RPH3AL: variants seen among roughly 807,000 people sequenced by gnomAD.
The protein encoded by RPH3AL is rabphilin 3A like (without C2 domains).
Under a neutral mutation model 43.1 loss-of-function variants are expected in RPH3AL, and 38 were observed. The observed-to-expected ratio is 0.88, with a 90% CI of 0.68 to 1.15. The LOEUF is 1.15. Among genes scored for constraint, RPH3AL ranks in the 50% most tolerant of loss-of-function variants. The pLI, the probability that RPH3AL is intolerant of heterozygous loss-of-function variation, is 0.00. For synonymous variants in RPH3AL, 189 were observed against 176.3 expected, an observed-to-expected ratio of 1.07 and a Z score of -0.57; for missense variants, 462 against 423.2, an observed-to-expected ratio of 1.09 and a Z score of -0.81.
chr17:271,719 G>C (rs2042467699), intron 6 of RPH3AL, among the ~76,000 whole-genome samples: 1 of 152,156 alleles, frequency 6.6e-6, no homozygotes, highest in African/African-American at 2.4e-5. Flanking sequence ...TGCAAATAGG[G>C]ACAATTTGAC....
chr17:256,277 A>G (rs372880559), intron 6 of RPH3AL, among the ~76,000 whole-genome samples: 1,142 of 19,356 alleles, frequency 0.059, 2 homozygotes, highest in African/African-American at 0.097. Context: ...GTCCTTTTCC[A>G]TCCCTAGGAA....
rs1334154197 is a variant in RPH3AL at position 243,111 on chromosome 17, T to TTCCTCTACTGATTGCCCC, written c.613+3982_613+3999dup. Among the ~76,000 whole-genome samples the TTCCTCTACTGATTGCCCC allele has an allele frequency of 6.5e-5, 9 of 138,464 alleles. 1 individual carries two copies. The highest frequency in any genetic ancestry group is 1.4e-4 in the Admixed American group (2 of 14,118). The allele number at this position is 138,464 out of a possible 152,430, so 90.8% of individuals were successfully genotyped here. ...GATTACCTTTCCTCTACTGATTACC[T>TTCCTCTACTGATTGCCCC]TCCTCTACTGATTGCCCCTCCTCTA... On this transcript the variant is annotated intron_variant, in intron 7 of 9. Transcript: ENST00000331302.
intron 6 of RPH3AL, among the ~76,000 whole-genome samples, chr17:263,184 GA>G (rs1409911015): frequency 1.1e-4 from 17 of 152,186 alleles, no homozygotes; most frequent in African/African-American, 3.9e-4. Flanking sequence ...CATGGGGGAG[GA>G]AGAGGCGGCC....
chr17:265,106 A>T (rs1555547546), intron 6 of RPH3AL, among the ~76,000 whole-genome samples: 3 of 152,160 alleles, frequency 2.0e-5, no homozygotes, highest in African/African-American at 7.2e-5. Context: ...TTCTTCTTTG[A>T]GACAGGGCCT....
At chr17:250,645 A>G (rs2041879844) in intron 6 of RPH3AL, among the ~76,000 whole-genome samples, 1 of 138,790 alleles carries the variant, frequency 7.2e-6, no homozygotes, top group African/African-American at 2.7e-5. Context: ...CAGAGCCTTT[A>G]CTAAGCTCCA....
chr17:231,683 C>A (rs554179519), intron 7 of RPH3AL, among the ~76,000 whole-genome samples: 13 of 152,372 alleles, frequency 8.5e-5, no homozygotes, highest in African/African-American at 2.6e-4. Flanking sequence ...GAGCTCTGCA[C>A]ACCAAAAGCA....
At chr17:317,818 A>C (rs112942269) in intron 5 of RPH3AL, among the ~76,000 whole-genome samples, 12,841 of 152,108 alleles carry the variant, frequency 0.084, 612 homozygotes, top group Non-Finnish European at 0.11. Context: ...AATGCCCTCA[A>C]GTTTGCCAGT....
At chr17:272,987 C>CGTCAGGGAGAGACCCCAGCGAGGGCGAT (rs2042529043) in intron 6 of RPH3AL, among the ~76,000 whole-genome samples, 1 of 112,384 alleles carries the variant, frequency 8.9e-6, no homozygotes, top group African/African-American at 2.9e-5. Flanking sequence ...GCAAGGGCTA[C>CGTCAGGGAGAGACCCCAGCGAGGGCGAT]GTCAGGGTGA....
chr17:315,206 TTCACC>T (rs2043929557), intron 5 of RPH3AL, among the ~76,000 whole-genome samples: 7 of 14,730 alleles, frequency 4.8e-4, no homozygotes, highest in African/African-American at 1.3e-3. Flanking sequence ...TCCACCTCCA[TTCACC>T]TGTAGTCTCT....
chr17:236,809 G>A lies in RPH3AL; in HGVS notation c.613+10302C>T, dbSNP rs577684899. ...AACAGTCGGAAAAGAAAAAGCCAGT[G>A]AGCGTCGAGAACTGAGCGACAGCCT... On this transcript the variant is annotated intron_variant, in intron 7 of 9. Coordinates refer to ENST00000331302, the MANE Select transcript of RPH3AL (RefSeq NM_006987.4). 1.7e-4 allele frequency among the ~76,000 whole-genome samples: 26 copies of A among 152,400 alleles called. No individual in the cohort carries two copies. In the East Asian group the frequency reaches 4.4e-3, roughly 26 times the overall value.
In RPH3AL at chr17:285,286, C is replaced by T. The variant is rs2042879976; in HGVS notation, c.352-3432G>A. Among the ~76,000 whole-genome samples, 5 of 152,314 alleles carry T rather than the reference C, an allele frequency of 3.3e-5. No individual in the cohort carries two copies. The East Asian group carries it at 9.7e-4, about 29-fold the overall frequency. ...CTCGGCTCCTTCAGAGGCCGCACGG[C>T]ACGGCGCACAGGTTTGGGGATGGCA... On this transcript the variant is annotated intron_variant, in intron 5 of 9. Transcript: ENST00000331302.
At chr17:258,211 A>T (rs954884221) in intron 6 of RPH3AL, among the ~76,000 whole-genome samples, 15 of 152,160 alleles carry the variant, frequency 9.9e-5, no homozygotes, top group African/African-American at 2.9e-4. Context: ...CTCCCCCACC[A>T]GGCTCCACCA....
intron 5 of RPH3AL, among the ~76,000 whole-genome samples, chr17:314,684 C>T (rs1435461701): frequency 8.3e-4 from 113 of 136,312 alleles, no homozygotes; most frequent in Non-Finnish European, 8.2e-4. Flanking sequence ...CTCTGTGACT[C>T]CACCTCCATT....
At chr17:268,562 T>TG (rs2042378040) in intron 6 of RPH3AL, among the ~76,000 whole-genome samples, 2 of 128,608 alleles carry the variant, frequency 1.6e-5, no homozygotes, top group Admixed American at 8.0e-5. Flanking sequence ...GGTTTTTTTT[T>TG]TTTTTTTTTT....
chr17:284,892 C>T (rs370791344), intron 5 of RPH3AL, among the ~76,000 whole-genome samples: 152 of 152,308 alleles, frequency 1.0e-3, no homozygotes, highest in Non-Finnish European at 3.2e-4. Context: ...GGCGTACAGA[C>T]GGCAGCTTCT....
intron 5 of RPH3AL, among the ~76,000 whole-genome samples, chr17:299,055 G>A (rs2043254181): frequency 6.6e-6 from 1 of 151,424 alleles, no homozygotes; most frequent in African/African-American, 2.4e-5. Flanking sequence ...GGGAGCCACT[G>A]AAGGCTTCGG....
intron 1 of RPH3AL, chr17:335,765 G>C (rs2044937317): frequency 6.6e-6 from 1 of 152,252 alleles, no homozygotes; most frequent in South Asian, 2.1e-4. Context: ...CCAGGTGCCA[G>C]AGGAAGTACC....
intron 6 of RPH3AL, among the ~76,000 whole-genome samples, chr17:260,655 C>A (rs1555545950): frequency 1.3e-5 from 2 of 152,160 alleles, no homozygotes; most frequent in African/African-American, 2.4e-5. Flanking sequence ...CAAGGGTCAA[C>A]CCTCTCTGGC....
At chr17:291,831 C>A (rs1447799588) in intron 5 of RPH3AL, among the ~76,000 whole-genome samples, 1 of 152,162 alleles carries the variant, frequency 6.6e-6, no homozygotes, top group African/African-American at 2.4e-5. Context: ...GCAGGGCGCT[C>A]CACCACGTAA....
Sources: allele counts gnomAD v4.1 joint callset (sites outside exome capture counted in the v4.1 genomes callset), GRCh38; gene constraint gnomAD v4.1.1; transcripts MANE v1.5; gene names NCBI Gene and HGNC (gene_info 2026-07-23, HGNC 2026-07-21).